Variants in ACSL1 observed in about 807,000 individuals in gnomAD.
The protein encoded by ACSL1 is acyl-CoA synthetase long chain family member 1.
In ACSL1, 41 loss-of-function variants were observed where a neutral mutation model predicts 98.4. That is an observed-to-expected ratio of 0.42 (90% CI 0.32 to 0.54). The LOEUF (loss-of-function observed/expected upper bound fraction) is 0.54, where lower values mean the gene tolerates loss of function less well. ACSL1 is among the 20% of genes least tolerant of loss of function. The pLI is 0.13. For synonymous variants in ACSL1, 316 were observed against 322.7 expected (o/e 0.98, Z 0.22); for missense variants, 734 against 883.1 (o/e 0.83, Z 2.14).
At chr4:184,787,662 GAGA>G (rs1336876709) in intron 3 of ACSL1, among the ~76,000 whole-genome samples, 1 of 152,070 alleles carries the variant, frequency 6.6e-6, no homozygotes. Context: ...TTAGGAGTTT[GAGA>G]CCAGCCTGAC....
chr4:184,762,194 G>A (rs995288564), intron 17 of ACSL1, among the ~76,000 whole-genome samples: 3 of 151,806 alleles, frequency 2.0e-5, no homozygotes, highest in African/African-American at 4.8e-5. Flanking sequence ...AAACATATTC[G>A]CTGAAGTGAA....
intron 4 of ACSL1, among the ~76,000 whole-genome samples, chr4:184,782,486 T>C (rs544110428): frequency 1.3e-5 from 2 of 152,204 alleles, no homozygotes; most frequent in South Asian, 4.1e-4. Flanking sequence ...GCAATGGACG[T>C]GTCTTCTCTC....
At chr4:184,760,641 C>T (rs1762730736) in intron 17 of ACSL1, 141 bp from the exon 18 acceptor site, 3 of 1,267,834 alleles carry the variant, frequency 2.4e-6, no homozygotes, top group African/African-American at 3.0e-5. Context: ...AGTTATGATC[C>T]CATTTTACAG....
intron 3 of ACSL1, among the ~76,000 whole-genome samples, chr4:184,784,549 T>C (rs966036784): frequency 2.6e-5 from 4 of 152,004 alleles, no homozygotes; most frequent in Non-Finnish European, 5.9e-5. Flanking sequence ...CAAAATGAGG[T>C]GACGTGAAGC....
In ACSL1 at chr4:184,825,003, G is replaced by A. The variant is rs536575198; in HGVS notation, c.-33+913C>T. On this transcript the variant is annotated intron_variant, in intron 1 of 20. Coordinates refer to ENST00000281455, the MANE Select transcript of ACSL1 (RefSeq NM_001995.5). The surrounding 1 kb of genome is among the most constrained non-coding windows in gnomAD (Gnocchi z 4.7). ...TCAAAGGTCAAGAAAATAAAAGACAGGGCAGTGAGAGTCGCGGGACTTTAG... is the reference window on the plus strand; with the variant it reads ...TCAAAGGTCAAGAAAATAAAAGACAAGGCAGTGAGAGTCGCGGGACTTTAG... 2.0e-5 allele frequency among the ~76,000 whole-genome samples: 3 copies of A among 152,290 alleles called. No homozygotes were observed. The highest frequency in any genetic ancestry group is 7.2e-5 in the African/African-American group (3 of 41,552).
At chr4:184,826,110 CGCCCCGCCCGCAG>C (rs1242010580), upstream of ACSL1, 1 of 146,930 alleles carries the variant, frequency 6.8e-6, no homozygotes, top group Admixed American at 6.8e-5. Flanking sequence ...CCCGCGGCCC[CGCCCCGCCCGCAG>C]GCCCCGCCCC....
chr4:184,803,279 T>C lies in ACSL1; in HGVS notation c.195+41A>G, dbSNP rs748668732. ...ACAGGGCTCAGCTCATCTGGGGAAA[T>C]GCGGAGAAAACGCACGAGGCAGGCT... is the stretch of plus-strand genomic sequence containing the variant. On this transcript the variant is annotated intron_variant, in intron 2 of 20. Transcript: ENST00000281455. This position sits in a 1 kb window ranked among gnomAD's most constrained non-coding sequence, Gnocchi z 4.8. The C allele has an allele frequency of 4.1e-6, 6 of 1,471,226 alleles. No homozygotes were observed. The highest frequency in any genetic ancestry group is 1.4e-5 in the South Asian group (1 of 72,454). The allele number at this position is 1,471,226 out of a possible 1,614,324, so 91.1% of individuals were successfully genotyped here. A position where few individuals can be genotyped will look rare whatever the true frequency, so the allele number is the denominator to read the frequency against.
chr4:184,771,778 G>T (rs1168041874), intron 10 of ACSL1, among the ~76,000 whole-genome samples: 1 of 152,050 alleles, frequency 6.6e-6, no homozygotes, highest in Non-Finnish European at 1.5e-5. Context: ...CCTAAAGCTG[G>T]GTCACCCTTA....
At chr4:184,758,397 A>G (rs1489566173) in intron 18 of ACSL1, 1 of 155,888 alleles carries the variant, frequency 6.4e-6, no homozygotes, top group Admixed American at 6.4e-5. Flanking sequence ...TCTACCAAAA[A>G]ATTGAAAATC....
intron 1 of ACSL1, among the ~76,000 whole-genome samples, chr4:184,810,553 G>T (rs1188304008): frequency 6.6e-6 from 1 of 152,160 alleles, no homozygotes; most frequent in African/African-American, 2.4e-5. Context: ...CTTAGGGAGG[G>T]TTGCATGGAG....
intron 3 of ACSL1, among the ~76,000 whole-genome samples, chr4:184,785,293 G>T (rs918226840): frequency 6.6e-6 from 1 of 152,114 alleles, no homozygotes; most frequent in African/African-American, 2.4e-5. Context: ...CTATACCCAG[G>T]CTCTAGAATT....
At chr4:184,783,437 G>T (rs937430783) in intron 4 of ACSL1, among the ~76,000 whole-genome samples, 1 of 152,184 alleles carries the variant, frequency 6.6e-6, no homozygotes, top group Non-Finnish European at 1.5e-5. Context: ...TCAGCAGCAT[G>T]CACTAGGAAA....
chr4:184,769,337 A>G (rs1264304954), intron 11 of ACSL1, among the ~76,000 whole-genome samples: 2 of 152,166 alleles, frequency 1.3e-5, no homozygotes, highest in African/African-American at 4.8e-5. Flanking sequence ...GGCAAGCCAT[A>G]TGGACCTGAC....
At chr4:184,780,245 C>G in intron 5 of ACSL1, 87 bp downstream of exon 5, 1 of 1,113,542 alleles carries the variant, frequency 9.0e-7, no homozygotes, top group South Asian at 1.3e-5. Context: ...AGAAATCAGA[C>G]TACAAAATCT....
chr4:184,767,990 A>G (rs904614013), intron 12 of ACSL1: 1 of 415,658 alleles, frequency 2.4e-6, no homozygotes, highest in Non-Finnish European at 4.2e-6. Context: ...GACAAACAGT[A>G]GGAGAGAAGA....
In ACSL1 at chr4:184,816,543, A is replaced by G. The variant is rs1772653322; in HGVS notation, c.-33+9373T>C. Among the ~76,000 whole-genome samples the G allele has an allele frequency of 2.0e-5, 3 of 152,184 alleles. No individual in the cohort carries two copies. In the South Asian group the frequency reaches 6.2e-4, roughly 31 times the overall value. On this transcript the variant is annotated intron_variant, in intron 1 of 20. Transcript: ENST00000281455. ...CCATTACCTGCTCGGAATGGGTGATACTAGTTTGGGGTCTCTATATTCCCT... is the reference window on the plus strand; with the variant it reads ...CCATTACCTGCTCGGAATGGGTGATGCTAGTTTGGGGTCTCTATATTCCCT...
chr4:184,803,449 C>A lies in ACSL1; in HGVS notation c.66G>T (p.Val22=), dbSNP rs778389043. 6.2e-7 allele frequency: 1 copy of A among 1,613,446 alleles called. No individual in the cohort carries two copies. Among genetic ancestry groups the A allele is most frequent in the Admixed American group, 1.7e-5 (1 of 59,846 alleles). The change falls in exon 2 of 21, where the codon GTG becomes GTT. Residue 22 remains valine (V), a synonymous_variant. Coordinates refer to ENST00000281455, the MANE Select transcript of ACSL1 (RefSeq NM_001995.5). This position sits in a 1 kb window ranked among gnomAD's most constrained non-coding sequence, Gnocchi z 4.8. The part of the protein sequence containing the change: ...MPELVDFRQY[V]RTLPTNTLMG... ...TAAGCGTGTTGGTCGGAAGAGTACG[C>A]ACGTACTGTCGGAAGTCAACCAGCT...
chr4:184,763,333 A>C (rs1763125038), intron 15 of ACSL1, 78 bp from the exon 16 acceptor site: 1 of 1,305,120 alleles, frequency 7.7e-7, no homozygotes, highest in Non-Finnish European at 1.1e-6. Flanking sequence ...GATAGCAAAC[A>C]GGATTCCACA....
intron 12 of ACSL1, among the ~76,000 whole-genome samples, chr4:184,767,788 C>G (rs1368546436): frequency 2.0e-5 from 3 of 152,202 alleles, no homozygotes; most frequent in Non-Finnish European, 4.4e-5. Context: ...GCGCCTGGCC[C>G]TGGCTGTGCG....
Sources: allele counts gnomAD v4.1 joint callset (sites outside exome capture counted in the v4.1 genomes callset), GRCh38; gene constraint gnomAD v4.1.1; non-coding constraint Gnocchi (gnomAD v3.1); transcripts MANE v1.5; gene names NCBI Gene and HGNC (gene_info 2026-07-23, HGNC 2026-07-21).